PCLO: variants seen among roughly 807,000 people sequenced by gnomAD.
PCLO encodes the protein piccolo presynaptic cytomatrix protein.
Under a neutral mutation model 427.5 loss-of-function variants are expected in PCLO, and 82 were observed. The ratio of observed to expected loss-of-function variants is 0.19; its 90% CI spans 0.16 to 0.23. PCLO has a LOEUF of 0.23. Among genes scored for constraint, PCLO ranks in the 10% least tolerant of loss-of-function variants. PCLO has a pLI of 1.00. For synonymous variants in PCLO, 2,357 were observed against 2,155.4 expected (o/e 1.09, Z -2.59); for missense variants, 6,239 against 6,115.9 (o/e 1.02, Z -0.67).
At chr7:83,060,919 A>C (rs1289637899) in intron 3 of PCLO, among the ~76,000 whole-genome samples, 2 of 152,328 alleles carry the variant, frequency 1.3e-5, no homozygotes, top group South Asian at 2.1e-4. Context: ...TCGTCCATAA[A>C]GTTTGGTAGA....
At chr7:82,819,931 A>C (rs1468815586) in intron 20 of PCLO, among the ~76,000 whole-genome samples, 4 of 152,206 alleles carry the variant, frequency 2.6e-5, no homozygotes, top group African/African-American at 4.8e-5. Flanking sequence ...TTTTAAAAAA[A>C]CATTATTTTA....
chr7:82,951,623 G>T, intron 5 of PCLO, 133 bp from the exon 6 acceptor site: 1 of 848,666 alleles, frequency 1.2e-6, no homozygotes. Context: ...AATTATATGC[G>T]GAATGAAAGC....
At chr7:82,905,746 A>G (rs1042064378) in intron 8 of PCLO, among the ~76,000 whole-genome samples, 5 of 151,882 alleles carry the variant, frequency 3.3e-5, no homozygotes, top group African/African-American at 1.2e-4. Context: ...CAAGAGAAAG[A>G]GTGGCTCTTT....
chr7:82,933,570 A>T (rs1794885168), intron 6 of PCLO, among the ~76,000 whole-genome samples: 1 of 148,674 alleles, frequency 6.7e-6, no homozygotes, highest in Non-Finnish European at 1.5e-5. Flanking sequence ...GGTCCAGTCC[A>T]TTTTTTTTTT....
In PCLO at chr7:82,805,780, G is replaced by A; in HGVS notation, c.14841C>T (p.Ser4947=). The A allele has an allele frequency of 6.2e-7, 1 of 1,609,546 alleles. No homozygotes were observed. Residue 4947 remains serine (S), a synonymous_variant, in exon 21 of 25, where the codon TCC becomes TCT. Transcript: ENST00000333891. ...RPAESSVSTG[S]SGSSFGSGYS... ...ACCCACTGCCAAAGCTGCTGCCCGA[G>A]GAGCCGGTGGACACAGAGCTTTCTG...
intron 3 of PCLO, among the ~76,000 whole-genome samples, chr7:83,115,834 T>C (rs1791117200): frequency 6.6e-6 from 1 of 152,050 alleles, no homozygotes. Context: ...TTCTATAGAT[T>C]AATACACAAC....
chr7:82,864,013 A>G (rs1352352361), intron 10 of PCLO, among the ~76,000 whole-genome samples: 1 of 151,950 alleles, frequency 6.6e-6, no homozygotes, highest in Non-Finnish European at 1.5e-5. Flanking sequence ...TCACAATAAA[A>G]CCCCCATAGT....
chr7:83,038,542 G>T (rs1788890251), intron 3 of PCLO, among the ~76,000 whole-genome samples: 1 of 151,848 alleles, frequency 6.6e-6, no homozygotes, highest in Admixed American at 6.6e-5. Flanking sequence ...ATTCACCTAT[G>T]CTTTTGCTTG....
chr7:83,015,403 G>T (rs932169805), intron 3 of PCLO, among the ~76,000 whole-genome samples: 5 of 151,622 alleles, frequency 3.3e-5, no homozygotes, highest in African/African-American at 1.2e-4. Context: ...CACTACATGA[G>T]ATTTCTTTTC....
chr7:83,014,809 G>C (rs1476061683), intron 3 of PCLO, among the ~76,000 whole-genome samples: 2 of 152,068 alleles, frequency 1.3e-5, no homozygotes, highest in Admixed American at 6.6e-5. Context: ...CTGCTTAAAA[G>C]AGAAAATTTT....
At chr7:82,808,398 C>T (rs974216688) in intron 20 of PCLO, among the ~76,000 whole-genome samples, 1 of 151,680 alleles carries the variant, frequency 6.6e-6, no homozygotes, top group African/African-American at 2.4e-5. Flanking sequence ...TTACCTGATG[C>T]GATTTTTAGT....
intron 3 of PCLO, among the ~76,000 whole-genome samples, chr7:82,967,154 G>A (rs989023886): frequency 6.6e-6 from 1 of 150,820 alleles, no homozygotes; most frequent in Non-Finnish European, 1.5e-5. Flanking sequence ...CTTTTTCCCT[G>A]AGTGTCCTGA....
chr7:82,940,923 C>T (rs1322800621), intron 6 of PCLO, among the ~76,000 whole-genome samples: 6 of 151,282 alleles, frequency 4.0e-5, no homozygotes, highest in Admixed American at 2.0e-4. Flanking sequence ...CCACCACGCC[C>T]GGCTAATTTT....
At position 82,952,449 on chromosome 7, in the gene PCLO, G is replaced by A; in HGVS notation, c.8504C>T (p.Pro2835Leu). Reference protein sequence around the residue: ...QLTTSKHAEPPYRIPSDQVFP... With the variant: ...QLTTSKHAEPLYRIPSDQVFP... ...GACCTGGTCACTTGGTATCCTGTAT[G>A]GGGGCTCAGCATGCTTTGATGTTGT... The change falls in exon 5 of 25, where the codon CCA becomes CTA. Residue 2835 changes from proline (P) to leucine (L), a missense_variant. By Grantham distance (98) the Pro-to-Leu change is moderately conservative. Coordinates refer to ENST00000333891, the MANE Select transcript of PCLO (RefSeq NM_033026.6). 1 of 1,613,860 alleles carries A rather than the reference G, an allele frequency of 6.2e-7. No individual in the cohort carries two copies. The highest frequency in any genetic ancestry group is 8.5e-7 in the Non-Finnish European group (1 of 1,179,826).
intron 3 of PCLO, among the ~76,000 whole-genome samples, chr7:83,096,734 T>A (rs542053421): frequency 1.0e-5 from 1 of 99,326 alleles, no homozygotes; most frequent in African/African-American, 3.9e-5. Context: ...AAAGCTCCAA[T>A]CTTTTTTATT....
intron 3 of PCLO, among the ~76,000 whole-genome samples, chr7:83,011,225 A>G (rs1009450002): frequency 4.6e-5 from 7 of 152,094 alleles, no homozygotes; most frequent in African/African-American, 1.4e-4. Flanking sequence ...TCCAATCTAA[A>G]AAGAAATATC....
chr7:82,915,177 G>A lies in PCLO; in HGVS notation c.12809C>T (p.Thr4270Ile), dbSNP rs1424969936. The change falls in exon 7 of 25, where the codon ACC becomes ATC. Residue 4270 changes from threonine (T) to isoleucine (I), a missense_variant. Around this residue, in one of 5 missense-constraint regions of PCLO, gnomAD observed 680 missense variants for 677.3 expected, o/e 1.00. Transcript: ENST00000333891. ...LGTGLGTLGN[T>I]IRSALQDEAD... ...TTCATCCTGCAGAGCTGAGCGTATGGTATTTCCTAATGTGCCCAGTCCTGT... is the reference window on the plus strand; with the variant it reads ...TTCATCCTGCAGAGCTGAGCGTATGATATTTCCTAATGTGCCCAGTCCTGT... 6.2e-7 allele frequency: 1 copy of A among 1,605,136 alleles called. No individual in the cohort carries two copies.
At chr7:82,840,964 TTTTC>T (rs1355577266) in intron 14 of PCLO, among the ~76,000 whole-genome samples, 2 of 151,586 alleles carry the variant, frequency 1.3e-5, no homozygotes, top group African/African-American at 4.8e-5. Flanking sequence ...TTTTATATAT[TTTTC>T]TTTATCTATT....
At chr7:82,930,344 A>G (rs138449921) in intron 6 of PCLO, among the ~76,000 whole-genome samples, 202 of 152,248 alleles carry the variant, frequency 1.3e-3, no homozygotes, top group African/African-American at 4.8e-3. Context: ...GATATAACAG[A>G]CCATCTAGGG....
Sources: gnomAD v4.1 joint callset for allele counts (sites outside exome capture counted in the v4.1 genomes callset) on GRCh38, gnomAD v4.1.1 for gene constraint, gnomAD v4.1.1 regional missense constraint, MANE v1.5 for transcripts, NCBI Gene and HGNC (gene_info 2026-07-23, HGNC 2026-07-21) for gene names.